The following NLRX1 variants were observed in gnomAD, a reference collection of about 807,000 sequenced individuals.
The protein encoded by NLRX1 is NOD-like receptor X1.
Under a neutral mutation model 74.2 loss-of-function variants are expected in NLRX1, and 67 were observed. The observed-to-expected ratio is 0.90, with a 90% CI of 0.74 to 1.11. NLRX1 has a LOEUF of 1.11. NLRX1 is among the 50% of genes least tolerant of loss of function. NLRX1 has a pLI of 0.00. For synonymous variants in NLRX1, 506 were observed against 559.1 expected, an observed-to-expected ratio of 0.91 and a Z score of 1.34; for missense variants, 1,191 against 1,305.4, an observed-to-expected ratio of 0.91 and a Z score of 1.35.
Position 119,183,047 on chromosome 11 carries a change from C to G in NLRX1, c.2607-71C>G. 3 of 1,390,444 alleles carry G rather than the reference C, an allele frequency of 2.2e-6. No individual in the cohort carries two copies. The highest frequency in any genetic ancestry group is 2.9e-6 in the Non-Finnish European group (3 of 1,017,470). The allele number at this position is 1,390,444 out of a possible 1,614,324, so 86.1% of individuals were successfully genotyped here. On this transcript the variant is annotated intron_variant, in intron 9 of 9. Transcript: ENST00000409109. The surrounding 1 kb of genome is among the most constrained non-coding windows in gnomAD (Gnocchi z 5.7). The stretch of plus-strand genomic sequence containing the variant: ...ATGAGTTGTGAGGCCCCCTGACTTT[C>G]CATCCATCTACCCTCGGGCCCTCCT...
intron 6 of NLRX1, among the ~76,000 whole-genome samples, chr11:119,178,398 A>G (rs1340573763): frequency 6.6e-6 from 1 of 152,204 alleles, no homozygotes; most frequent in African/African-American, 2.4e-5. Flanking sequence ...AATGTCAGTT[A>G]ACAAAACTAC....
chr11:119,174,517 G>A lies in NLRX1; in HGVS notation c.914G>A (p.Arg305His), dbSNP rs199476043. The A allele has an allele frequency of 8.7e-5, 140 of 1,614,174 alleles. No homozygotes were observed. In the East Asian group the frequency reaches 2.9e-3, roughly 34 times the overall value. The change falls in exon 6 of 10, where the codon CGC (arginine) becomes CAC (histidine). Residue 305 changes from arginine to histidine, a missense_variant. Coordinates refer to ENST00000409109, the MANE Select transcript of NLRX1 (RefSeq NM_001282144.2). Reference sequence around the variant, plus strand: ...CGTATCCCCAGCAAGTACGTGGGCCGCTATGGTGAGATCTGCGGTTTCTCT... The same window carrying A: ...CGTATCCCCAGCAAGTACGTGGGCCACTATGGTGAGATCTGCGGTTTCTCT... ...IGRIPSKYVG[R>H]YGEICGFSDT...
chr11:119,176,666 A>C (rs1004667288), intron 6 of NLRX1, among the ~76,000 whole-genome samples: 5 of 152,130 alleles, frequency 3.3e-5, no homozygotes, highest in African/African-American at 4.8e-5. Flanking sequence ...CAGCCTGAGC[A>C]ACAGAGACTC....
Position 119,172,444 on chromosome 11 carries a change from A to C in NLRX1, c.140+19A>C, listed in dbSNP as rs1178084112. ...CCCCTAGGTGAGGCCTGGGTGTCAT[A>C]CCTTAGGACTAGTCTGGGCACAACA... is the stretch of plus-strand genomic sequence containing the variant. On this transcript the variant is annotated intron_variant, in intron 3 of 9. Transcript: ENST00000409109. 2 of 1,577,444 alleles carry C rather than the reference A, an allele frequency of 1.3e-6. No homozygotes were observed. The highest frequency in any genetic ancestry group is 2.7e-5 in the African/African-American group (2 of 74,018).
intron 8 of NLRX1, 92 bp from the exon 9 acceptor site, chr11:119,182,002 G>T (rs962278341): frequency 1.3e-6 from 2 of 1,497,826 alleles, no homozygotes; most frequent in Non-Finnish European, 1.8e-6. Context: ...CCAGCACAGG[G>T]CTGCCCCATT....
chr11:119,182,777 C>T (rs1948872369), intron 9 of NLRX1, among the ~76,000 whole-genome samples: 1 of 151,992 alleles, frequency 6.6e-6, no homozygotes, highest in Non-Finnish European at 1.5e-5. Flanking sequence ...ATCCCAGCTA[C>T]TTGGGAGGCT....
intron 3 of NLRX1, 138 bp downstream of exon 3, chr11:119,172,563 C>A: frequency 1.4e-6 from 1 of 692,444 alleles, no homozygotes; most frequent in Non-Finnish European, 2.6e-6. Flanking sequence ...AGGACAGTGG[C>A]AGCTCCAAGG....
At chr11:119,171,854 G>A (rs1412585364) in intron 2 of NLRX1, among the ~76,000 whole-genome samples, 1 of 152,068 alleles carries the variant, frequency 6.6e-6, no homozygotes, top group African/African-American at 2.4e-5. Context: ...TAGTTGGGAG[G>A]CTGAGGCAGG....
Position 119,171,440 on chromosome 11 carries a change from G to T in NLRX1, c.37G>T (p.Gly13Cys), listed in dbSNP as rs764107496. The change falls in exon 2 of 10, where the codon GGC (glycine) becomes TGC (cysteine). Residue 13 changes from glycine to cysteine, a missense_variant. Coordinates refer to ENST00000409109, the MANE Select transcript of NLRX1 (RefSeq NM_001282144.2). ...WGHHLPRASW[G>C]SGFRRALQRP... ...CCACCATTTGCCCAGGGCCTCTTGG[G>T]GCTCTGGTTTTAGAAGAGCACTCCA... 6 of 1,613,972 alleles carry T rather than the reference G, an allele frequency of 3.7e-6. No individual in the cohort carries two copies. The South Asian group carries it at 6.6e-5, about 18-fold the overall frequency.
rs145779362 is a variant in NLRX1 at position 119,175,242 on chromosome 11, C to T, written c.1639C>T (p.Arg547Trp). ...CATCATGGCCAAGCTGCTGCCTCTG[C>T]GGGCTCTGCCTCTGCTCTTCAACCT... ...LGIMAKLLPLRALPLLFNLIK... is the reference protein window; with the variant it reads ...LGIMAKLLPLWALPLLFNLIK... The change falls in exon 6 of 10, where the codon CGG becomes TGG. Residue 547 changes from arginine to tryptophan, a missense_variant. Coordinates refer to ENST00000409109, the MANE Select transcript of NLRX1 (RefSeq NM_001282144.2). 9,049 of 1,613,954 alleles carry T rather than the reference C, an allele frequency of 5.6e-3. 60 individuals are homozygous for T. Among genetic ancestry groups the T allele is most frequent in the South Asian group, 0.01 (936 of 91,068 alleles).
intron 6 of NLRX1, chr11:119,177,738 C>T (rs922937785): frequency 1.3e-5 from 2 of 152,204 alleles, no homozygotes; most frequent in African/African-American, 2.4e-5. Context: ...GAGGCCACCC[C>T]GCCTTGAGGA....
In NLRX1 at chr11:119,173,259, T is replaced by C. The variant is rs1163291479; in HGVS notation, c.230-220T>C. 4 of 646,462 alleles carry C rather than the reference T, an allele frequency of 6.2e-6. No homozygotes were observed. The East Asian group carries it at 1.1e-4, about 18-fold the overall frequency. The allele number at this position is 646,462 out of a possible 1,614,324, so 40.0% of individuals were successfully genotyped here. On this transcript the variant is annotated intron_variant, in intron 4 of 9. Coordinates refer to ENST00000409109, the MANE Select transcript of NLRX1 (RefSeq NM_001282144.2). The surrounding 1 kb of genome is among the most constrained non-coding windows in gnomAD (Gnocchi z 4.0). ...CAGGTTAAGACGGCACATAGGTCAC[T>C]GTGAAACCAGTTTGTCCAGTGGCTT... is the stretch of plus-strand genomic sequence containing the variant.
chr11:119,170,071 A>C (rs1948505467), intron 1 of NLRX1, among the ~76,000 whole-genome samples: 1 of 151,210 alleles, frequency 6.6e-6, no homozygotes, highest in South Asian at 2.1e-4. Context: ...AGGTCATTCC[A>C]AACTGGGAAG....
rs2135163017 is a variant in NLRX1, at chr11:119,173,764, A to G, written c.515A>G (p.Lys172Arg). The G allele has an allele frequency of 6.2e-7, 1 of 1,613,766 alleles. No individual in the cohort carries two copies. Among genetic ancestry groups the G allele is most frequent in the Non-Finnish European group, 8.5e-7 (1 of 1,180,036 alleles). ...CTGTATGGGACAGTGGGCACAGGCA[A>G]GAGCACGCTGGTGCGCAAGATGGTT... is the stretch of plus-strand genomic sequence containing the variant. ...VVLYGTVGTG[K>R]STLVRKMVLD... Residue 172 changes from lysine to arginine, a missense_variant, in exon 5 of 10, where the codon AAG becomes AGG. Coordinates refer to ENST00000409109, the MANE Select transcript of NLRX1 (RefSeq NM_001282144.2). This position sits in a 1 kb window ranked among gnomAD's most constrained non-coding sequence, Gnocchi z 4.0.
In NLRX1 at chr11:119,183,848, G is replaced by A. The variant is rs771278558; in HGVS notation, c.*409G>A. ...GTGTCGCCATCCAGATGTGTTGGAA[G>A]CTTCCCCTCCTGCCTTATGCTCACC... On this transcript the variant is annotated 3_prime_UTR_variant, in exon 10 of 10. Transcript: ENST00000409109. The surrounding 1 kb of genome is among the most constrained non-coding windows in gnomAD (Gnocchi z 5.7). The A allele has an allele frequency of 1.2e-5, 9 of 780,914 alleles. No individual in the cohort carries two copies. In the South Asian group the frequency reaches 1.2e-4, roughly 10 times the overall value. 48.4% of individuals were successfully genotyped at this position (780,914 alleles called of 1,614,324 possible). A position where few individuals can be genotyped will look rare whatever the true frequency, so the allele number is the denominator to read the frequency against.
chr11:119,171,480 AG>A lies in NLRX1; in HGVS notation c.70+9del. The A allele has an allele frequency of 6.2e-7, 1 of 1,605,696 alleles. No individual in the cohort carries two copies. Among genetic ancestry groups the A allele is most frequent in the Non-Finnish European group, 8.5e-7 (1 of 1,172,384 alleles). On this transcript the variant is annotated splice_region_variant and intron_variant, in intron 2 of 9. Transcript: ENST00000409109. The stretch of plus-strand genomic sequence containing the variant: ...AGAGCACTCCAGCGACCAGGTGAGC[AG>A]GAAGCAGGGGTTTCTGTTTTTACCT...
intron 8 of NLRX1, 63 bp from the exon 9 acceptor site, chr11:119,182,031 C>T: frequency 6.3e-7 from 1 of 1,584,402 alleles, no homozygotes; most frequent in South Asian, 1.2e-5. Context: ...CAGTACCACC[C>T]CCAACCTTGC....
chr11:119,171,084 A>C (rs1354585274), intron 1 of NLRX1, among the ~76,000 whole-genome samples: 1 of 152,204 alleles, frequency 6.6e-6, no homozygotes, highest in African/African-American at 2.4e-5. Context: ...CATAGGCTTC[A>C]ATGAGCCACA....
In NLRX1 at chr11:119,180,399, T is replaced by C; in HGVS notation, c.2267+111T>C. On this transcript the variant is annotated intron_variant, in intron 7 of 9. Coordinates refer to ENST00000409109, the MANE Select transcript of NLRX1 (RefSeq NM_001282144.2). ...GAGGTACCGATGAGTGACCAGAAGGTGGGATGAAGAAGTCTAGTTTAGGGG... is the reference window on the plus strand; with the variant it reads ...GAGGTACCGATGAGTGACCAGAAGGCGGGATGAAGAAGTCTAGTTTAGGGG... The C allele has an allele frequency of 9.0e-6, 8 of 889,382 alleles. No homozygotes were observed. In the South Asian group the frequency reaches 1.5e-4, roughly 17 times the overall value. The allele number at this position is 889,382 out of a possible 1,614,324, so 55.1% of individuals were successfully genotyped here.
Sources: allele counts gnomAD v4.1 joint callset (sites outside exome capture counted in the v4.1 genomes callset), GRCh38; gene constraint gnomAD v4.1.1; non-coding constraint Gnocchi (gnomAD v3.1); transcripts MANE v1.5; gene names NCBI Gene and HGNC (gene_info 2026-07-23, HGNC 2026-07-21).